ATP8A2: variants seen among roughly 807,000 people sequenced by gnomAD.
ATP8A2 encodes phospholipid-transporting ATPase IB.
In ATP8A2, 100 loss-of-function variants were observed where a neutral mutation model predicts 165.6. That is an observed-to-expected ratio of 0.60 (90% CI 0.51 to 0.71). The LOEUF (loss-of-function observed/expected upper bound fraction) is 0.71, where lower values mean the gene tolerates loss of function less well. Ranked by LOEUF, ATP8A2 falls within the 30% of genes least tolerant of loss-of-function variation. The pLI, the probability that ATP8A2 is intolerant of heterozygous loss-of-function variation, is 0.00. For synonymous variants in ATP8A2, 543 were observed against 548.8 expected, an observed-to-expected ratio of 0.99 and a Z score of 0.15; for missense variants, 1,227 against 1,479.5, an observed-to-expected ratio of 0.83 and a Z score of 2.80.
chr13:25,540,710 G>A (rs2038447202), intron 8 of ATP8A2, among the ~76,000 whole-genome samples: 1 of 152,090 alleles, frequency 6.6e-6, no homozygotes, highest in South Asian at 2.1e-4. Context: ...GACAAATGGA[G>A]CAGAAAAGCT....
chr13:25,908,233 G>A (rs1954002790), intron 33 of ATP8A2, among the ~76,000 whole-genome samples: 1 of 152,084 alleles, frequency 6.6e-6, no homozygotes, highest in African/African-American at 2.4e-5. Context: ...CTAATGCAGT[G>A]GTGTCAGTAG....
At chr13:25,591,850 T>C (rs957468905) in intron 24 of ATP8A2, among the ~76,000 whole-genome samples, 2 of 152,214 alleles carry the variant, frequency 1.3e-5, no homozygotes, top group African/African-American at 4.8e-5. Context: ...AATGTGGATA[T>C]ACAAATATCT....
intron 30 of ATP8A2, 49 bp downstream of exon 30, chr13:25,839,673 C>T (rs373232903): frequency 2.3e-4 from 335 of 1,480,122 alleles, no homozygotes; most frequent in Non-Finnish European, 3.0e-4. Context: ...TGCAGCCGCT[C>T]TGCTGCCTGT....
At chr13:25,803,353 G>C (rs1354530204) in intron 27 of ATP8A2, among the ~76,000 whole-genome samples, 2 of 152,086 alleles carry the variant, frequency 1.3e-5, no homozygotes, top group East Asian at 3.9e-4. Flanking sequence ...TCAATTTGTT[G>C]AAACTGAATA....
At chr13:25,828,294 GT>G in intron 28 of ATP8A2, 102 bp downstream of exon 28, 1 of 1,005,912 alleles carries the variant, frequency 9.9e-7, no homozygotes, top group Admixed American at 1.8e-5. Flanking sequence ...TCAATCATCT[GT>G]ATACTTAGCA....
intron 1 of ATP8A2, among the ~76,000 whole-genome samples, chr13:25,405,949 G>A (rs2033788210): frequency 6.6e-6 from 1 of 152,076 alleles, no homozygotes; most frequent in African/African-American, 2.4e-5. Context: ...CTGGCATGTT[G>A]AGTCATTCAT....
intron 25 of ATP8A2, among the ~76,000 whole-genome samples, chr13:25,719,318 G>C (rs960590699): frequency 7.9e-5 from 12 of 152,172 alleles, no homozygotes; most frequent in African/African-American, 2.9e-4. Flanking sequence ...TGGCAAGATT[G>C]GTTTTTCTAA....
In ATP8A2 at chr13:25,797,807, T is replaced by C. The variant is rs369667257; in HGVS notation, c.2679+22848T>C. ...ATGGCACTTTTTTTAAGTGTTAAAG[T>C]TTTGGTAAACATTTCATCTGAATTC... is the stretch of plus-strand genomic sequence containing the variant. On this transcript the variant is annotated intron_variant, in intron 27 of 36. Coordinates refer to ENST00000381655, the MANE Select transcript of ATP8A2 (RefSeq NM_016529.6). 5.5e-4 allele frequency among the ~76,000 whole-genome samples: 83 copies of C among 152,188 alleles called. 1 individual carries two copies. Among genetic ancestry groups the C allele is most frequent in the South Asian group, 3.1e-3 (15 of 4,820 alleles).
At chr13:25,660,049 A>G (rs796625590) in intron 24 of ATP8A2, among the ~76,000 whole-genome samples, 10 of 152,334 alleles carry the variant, frequency 6.6e-5, no homozygotes, top group African/African-American at 2.4e-4. Flanking sequence ...GGAACAAAAA[A>G]TCTTTTACTA....
intron 30 of ATP8A2, among the ~76,000 whole-genome samples, 157 bp from the exon 31 acceptor site, chr13:25,860,038 A>G (rs1023988877): frequency 1.3e-5 from 2 of 152,204 alleles, no homozygotes; most frequent in African/African-American, 4.8e-5. Flanking sequence ...AAAGTTCATC[A>G]TTAGAAAGAG....
At chr13:25,694,855 C>T (rs1011447484) in intron 24 of ATP8A2, among the ~76,000 whole-genome samples, 2 of 152,032 alleles carry the variant, frequency 1.3e-5, no homozygotes, top group African/African-American at 4.8e-5. Flanking sequence ...CCTATATGTC[C>T]CTTTTTTTCT....
At chr13:25,390,150 C>T (rs1310880529) in intron 1 of ATP8A2, among the ~76,000 whole-genome samples, 1 of 152,158 alleles carries the variant, frequency 6.6e-6, no homozygotes, top group Non-Finnish European at 1.5e-5. Flanking sequence ...TGTGCCTTAA[C>T]ACCCAGCTAA....
intron 14 of ATP8A2, among the ~76,000 whole-genome samples, chr13:25,559,451 G>A (rs1169673476): frequency 6.6e-6 from 1 of 152,202 alleles, no homozygotes; most frequent in East Asian, 1.9e-4. Flanking sequence ...AGAATCGCTT[G>A]AACTTGGGAG....
chr13:25,419,975 T>A (rs547821261), intron 1 of ATP8A2, among the ~76,000 whole-genome samples: 71 of 152,254 alleles, frequency 4.7e-4, no homozygotes, highest in Middle Eastern at 3.4e-3. Flanking sequence ...GGTGGGTGAA[T>A]AGTTCTAGAA....
At chr13:25,616,426 G>T (rs2040828790) in intron 24 of ATP8A2, among the ~76,000 whole-genome samples, 2 of 149,736 alleles carry the variant, frequency 1.3e-5, no homozygotes, top group East Asian at 2.0e-4. Context: ...CCGCCTCCTG[G>T]GTTCAAGTGA....
At chr13:25,839,672 T>C in intron 30 of ATP8A2, 48 bp downstream of exon 30, 1 of 1,478,730 alleles carries the variant, frequency 6.8e-7, no homozygotes, top group Non-Finnish European at 9.5e-7. Context: ...TTGCAGCCGC[T>C]CTGCTGCCTG....
intron 1 of ATP8A2, among the ~76,000 whole-genome samples, chr13:25,385,934 T>G (rs1593237027): frequency 1.4e-5 from 2 of 147,860 alleles, no homozygotes; most frequent in African/African-American, 2.5e-5. Context: ...TTTTTTTTTG[T>G]AGACAATTTG....
chr13:25,377,304 G>A (rs2032665919), intron 1 of ATP8A2, among the ~76,000 whole-genome samples: 1 of 152,206 alleles, frequency 6.6e-6, no homozygotes, highest in East Asian at 1.9e-4. Context: ...CAGCACAAAT[G>A]TTAACAACCA....
At chr13:25,652,687 A>G (rs1158624785) in intron 24 of ATP8A2, among the ~76,000 whole-genome samples, 1 of 152,214 alleles carries the variant, frequency 6.6e-6, no homozygotes, top group Admixed American at 6.6e-5. Flanking sequence ...TTTGTGAGAA[A>G]TACGTAATTT....
Sources: allele counts gnomAD v4.1 joint callset (sites outside exome capture counted in the v4.1 genomes callset), GRCh38; gene constraint gnomAD v4.1.1; transcripts MANE v1.5; gene names NCBI Gene and HGNC (gene_info 2026-07-23, HGNC 2026-07-21).